Variants in DHRSX observed in about 807,000 individuals in gnomAD.
DHRSX encodes the protein dehydrogenase/reductase X-linked.
DHRSX carries 31 observed loss-of-function variants against 34.0 expected under a neutral mutation model. The ratio of observed to expected loss-of-function variants is 0.91; its 90% CI spans 0.69 to 1.23. DHRSX has a LOEUF of 1.23. DHRSX is among the 50% of genes most tolerant of loss of function. DHRSX has a pLI of 0.00. For synonymous variants in DHRSX, 201 were observed against 183.8 expected, an observed-to-expected ratio of 1.09 and a Z score of -0.76; for missense variants, 414 against 428.1, an observed-to-expected ratio of 0.97 and a Z score of 0.29.
At chrX:2,339,340 T>C (rs1302573880) in intron 3 of DHRSX, among the ~76,000 whole-genome samples, 2 of 151,976 alleles carry the variant, frequency 1.3e-5, no homozygotes, top group African/African-American at 2.4e-5. Context: ...GGTTTCACCA[T>C]GTTGGCCAGG....
At chrX:2,372,954 T>G (rs777926892) in intron 3 of DHRSX, among the ~76,000 whole-genome samples, 1 of 152,054 alleles carries the variant, frequency 6.6e-6, no homozygotes, top group South Asian at 2.1e-4. Flanking sequence ...CGGCTCTACT[T>G]TGCATCTGTA....
chrX:2,243,309 T>TGCGGCC (rs1328850237), intron 5 of DHRSX, 79 bp from the exon 6 acceptor site: 17 of 1,316,576 alleles, frequency 1.3e-5, no homozygotes, highest in East Asian at 2.4e-5. Context: ...CATCTGTACC[T>TGCGGCC]GCGGCCACGG....
At chrX:2,334,181 T>TTTTTTTTTTTTTTG (rs1569490397) in intron 3 of DHRSX, 1 of 148,488 alleles carries the variant, frequency 6.7e-6, no homozygotes, top group East Asian at 1.9e-4. Context: ...TTTTTTTTTT[T>TTTTTTTTTTTTTTG]GAGACACAGT....
At chrX:2,473,296 G>GT (rs1465941889) in intron 1 of DHRSX, among the ~76,000 whole-genome samples, 1 of 152,108 alleles carries the variant, frequency 6.6e-6, no homozygotes, top group East Asian at 1.9e-4. Flanking sequence ...GGTGGAAACA[G>GT]TTTATCTGCG....
intron 3 of DHRSX, among the ~76,000 whole-genome samples, chrX:2,324,756 G>C (rs1481712335): frequency 6.7e-6 from 1 of 150,352 alleles, no homozygotes; most frequent in South Asian, 2.1e-4. Context: ...CCTCGGCAAG[G>C]CTTTTTTCTT....
intron 6 of DHRSX, among the ~76,000 whole-genome samples, chrX:2,233,884 C>T (rs2015954242): frequency 6.6e-6 from 1 of 152,128 alleles, no homozygotes. Context: ...CATAATTACA[C>T]AGAGCTTTAC....
At chrX:2,361,150 C>CA (rs2042929296) in intron 3 of DHRSX, among the ~76,000 whole-genome samples, 1 of 152,032 alleles carries the variant, frequency 6.6e-6, no homozygotes, top group Non-Finnish European at 1.5e-5. Context: ...TTCACTCTGT[C>CA]GCCAGGCTGG....
intron 3 of DHRSX, among the ~76,000 whole-genome samples, chrX:2,318,192 G>GGA (rs1556469010): frequency 1.8e-5 from 2 of 108,644 alleles, no homozygotes; most frequent in Non-Finnish European, 3.5e-5. Flanking sequence ...CAAAAATACA[G>GGA]AAAAAAAAAA....
chrX:2,479,603 T>C (rs1320615510), intron 1 of DHRSX, among the ~76,000 whole-genome samples: 1 of 150,384 alleles, frequency 6.6e-6, no homozygotes, highest in African/African-American at 2.5e-5. Flanking sequence ...AGACGTTCCC[T>C]AAGCATGTGG....
chrX:2,438,170 C>A (rs1286846488), intron 1 of DHRSX, among the ~76,000 whole-genome samples: 1 of 100,134 alleles, frequency 1.0e-5, no homozygotes, highest in African/African-American at 4.1e-5. Context: ...GAGCGAGACT[C>A]CATCTCAGAA....
chrX:2,433,988 C>T (rs1473962043), intron 1 of DHRSX, among the ~76,000 whole-genome samples: 3 of 151,920 alleles, frequency 2.0e-5, no homozygotes, highest in Non-Finnish European at 4.4e-5. Context: ...CTGTGTTAGC[C>T]AGGATGGTCT....
intron 3 of DHRSX, among the ~76,000 whole-genome samples, chrX:2,311,589 A>G (rs1385494966): frequency 6.6e-6 from 1 of 152,200 alleles, no homozygotes; most frequent in African/African-American, 2.4e-5. Flanking sequence ...CAGATGCCCC[A>G]AAGAGCTTGT....
At chrX:2,313,379 T>C (rs2042187358) in intron 3 of DHRSX, among the ~76,000 whole-genome samples, 1 of 151,192 alleles carries the variant, frequency 6.6e-6, no homozygotes, top group South Asian at 2.1e-4. Context: ...TTTTTACTTA[T>C]TATTTTTGAG....
At chrX:2,428,345 C>T (rs1218791626) in intron 1 of DHRSX, among the ~76,000 whole-genome samples, 2 of 152,212 alleles carry the variant, frequency 1.3e-5, no homozygotes, top group East Asian at 3.9e-4. Flanking sequence ...GCACTGTTCA[C>T]AATAGTAAAG....
chrX:2,250,567 G>A (rs866701880), intron 5 of DHRSX, among the ~76,000 whole-genome samples: 2 of 152,012 alleles, frequency 1.3e-5, no homozygotes, highest in African/African-American at 2.4e-5. Context: ...TCTGTAAACC[G>A]TCTCTTATCA....
At chrX:2,305,968 A>G (rs1233475774) in intron 3 of DHRSX, among the ~76,000 whole-genome samples, 1 of 151,824 alleles carries the variant, frequency 6.6e-6, no homozygotes, top group Non-Finnish European at 1.5e-5. Flanking sequence ...CTGCACATGT[A>G]CCCCAGAACT....
At chrX:2,479,154 T>A (rs1308938328) in intron 1 of DHRSX, among the ~76,000 whole-genome samples, 1 of 146,884 alleles carries the variant, frequency 6.8e-6, no homozygotes, top group African/African-American at 2.5e-5. Flanking sequence ...AAAGGACTGC[T>A]GCCCTGTACA....
At chrX:2,397,986 C>T (rs1569497138) in intron 3 of DHRSX, among the ~76,000 whole-genome samples, 3 of 151,714 alleles carry the variant, frequency 2.0e-5, no homozygotes, top group African/African-American at 7.3e-5. Flanking sequence ...TGATCTCACA[C>T]ACATAGATAC....
chrX:2,237,742 T>C (rs1268164791), intron 6 of DHRSX, among the ~76,000 whole-genome samples: 2 of 152,074 alleles, frequency 1.3e-5, no homozygotes, highest in African/African-American at 2.4e-5. Context: ...TAACCTCACA[T>C]GATCCTCCCC....
Sources: gnomAD v4.1 joint callset for allele counts (sites outside exome capture counted in the v4.1 genomes callset) on GRCh38, gnomAD v4.1.1 for gene constraint, MANE v1.5 for transcripts, NCBI Gene and HGNC (gene_info 2026-07-23, HGNC 2026-07-21) for gene names.